QKI: variants seen among roughly 807,000 people sequenced by gnomAD.
QKI encodes QKI, KH domain containing RNA binding.
A neutral mutation model predicts 39.0 loss-of-function variants in QKI; 10 were observed. That is an observed-to-expected ratio of 0.26 (90% confidence interval 0.16 to 0.43). The LOEUF is 0.43. Among genes scored for constraint, QKI ranks in the 20% least tolerant of loss-of-function variants. QKI has a pLI of 1.00. For synonymous variants in QKI, 204 were observed against 155.4 expected (o/e 1.31, Z -2.33); for missense variants, 218 against 428.0 (o/e 0.51, Z 4.33).
At chr6:163,495,824 T>C (rs1232646578) in intron 3 of QKI, among the ~76,000 whole-genome samples, 1 of 152,012 alleles carries the variant, frequency 6.6e-6, no homozygotes, top group Non-Finnish European at 1.5e-5. Context: ...GTTGTGTCCT[T>C]CTCAGCCATC....
intron 1 of QKI, among the ~76,000 whole-genome samples, chr6:163,450,306 C>T (rs1182385095): frequency 1.3e-5 from 2 of 152,164 alleles, no homozygotes; most frequent in East Asian, 3.9e-4. Flanking sequence ...GATCTGCCCA[C>T]CTCGGCCTCC....
intron 4 of QKI, among the ~76,000 whole-genome samples, chr6:163,560,862 C>T (rs1245711905): frequency 6.6e-6 from 1 of 152,134 alleles, no homozygotes; most frequent in African/African-American, 2.4e-5. Context: ...AGTTTGGGTG[C>T]TATGCCAAAA....
At chr6:163,500,727 GAA>G (rs1024550321) in intron 3 of QKI, among the ~76,000 whole-genome samples, 1 of 152,058 alleles carries the variant, frequency 6.6e-6, no homozygotes, top group Admixed American at 6.5e-5. Flanking sequence ...ACAGAATAGA[GAA>G]AAAACCAACA....
chr6:163,564,784 G>A, intron 6 of QKI: 1 of 1,608,316 alleles, frequency 6.2e-7, no homozygotes, highest in Non-Finnish European at 8.5e-7. Flanking sequence ...CTGTTTCTGT[G>A]CAACCCCTTT....
At chr6:163,469,846 G>A (rs1792052856) in intron 2 of QKI, among the ~76,000 whole-genome samples, 1 of 152,040 alleles carries the variant, frequency 6.6e-6, no homozygotes, top group Admixed American at 6.6e-5. Flanking sequence ...TAGATTTTCT[G>A]TTATGTTTCT....
intron 4 of QKI, among the ~76,000 whole-genome samples, chr6:163,550,269 T>A (rs1027628766): frequency 2.6e-5 from 4 of 152,124 alleles, no homozygotes; most frequent in African/African-American, 7.2e-5. Flanking sequence ...AGTGAGCTAG[T>A]GTGTTCGCCC....
At chr6:163,507,404 T>G (rs1042131831) in intron 3 of QKI, among the ~76,000 whole-genome samples, 1 of 152,156 alleles carries the variant, frequency 6.6e-6, no homozygotes, top group Non-Finnish European at 1.5e-5. Flanking sequence ...CTCTGTAGGA[T>G]GAGTGTAAGC....
At chr6:163,448,608 C>T (rs1225606916) in intron 1 of QKI, among the ~76,000 whole-genome samples, 3 of 151,816 alleles carry the variant, frequency 2.0e-5, no homozygotes, top group Admixed American at 6.6e-5. Context: ...TGGTGGCGGG[C>T]ACCTGTAATC....
At chr6:163,526,552 G>A (rs1780529926) in intron 3 of QKI, among the ~76,000 whole-genome samples, 1 of 152,220 alleles carries the variant, frequency 6.6e-6, no homozygotes, top group Middle Eastern at 3.4e-3. Flanking sequence ...AGTTTAAAAG[G>A]ATTTCCCAAC....
intron 1 of QKI, chr6:163,415,908 C>T (rs759388389): frequency 1.2e-4 from 61 of 513,556 alleles, no homozygotes; most frequent in African/African-American, 1.1e-3. Context: ...CAGTGTGGGG[C>T]TCGTTAGTTT....
chr6:163,502,322 CAA>C (rs1778823159), intron 3 of QKI, among the ~76,000 whole-genome samples: 1 of 151,616 alleles, frequency 6.6e-6, no homozygotes, highest in South Asian at 2.1e-4. Context: ...GACCCTGTCT[CAA>C]AACAAAACAA....
chr6:163,447,629 T>A (rs983359820), intron 1 of QKI, among the ~76,000 whole-genome samples: 1 of 152,190 alleles, frequency 6.6e-6, no homozygotes, highest in East Asian at 1.9e-4. Context: ...CTTTAATCAC[T>A]GAGCATTAGT....
At chr6:163,452,985 C>A (rs1302833608) in intron 1 of QKI, among the ~76,000 whole-genome samples, 1 of 152,192 alleles carries the variant, frequency 6.6e-6, no homozygotes, top group African/African-American at 2.4e-5. Context: ...GCCTTGGCCT[C>A]CCAAAGTGCT....
chr6:163,512,054 A>G (rs1779516755), intron 3 of QKI, among the ~76,000 whole-genome samples: 1 of 152,114 alleles, frequency 6.6e-6, no homozygotes, highest in Admixed American at 6.5e-5. Flanking sequence ...CTTGAAACTA[A>G]TCAGTGCAGT....
intron 1 of QKI, among the ~76,000 whole-genome samples, chr6:163,446,088 A>G (rs1790133166): frequency 6.6e-6 from 1 of 152,174 alleles, no homozygotes; most frequent in Non-Finnish European, 1.5e-5. Flanking sequence ...TTGCTAACTA[A>G]TTTAGCATTC....
intron 6 of QKI, chr6:163,565,493 G>T (rs1175809837): frequency 1.0e-6 from 1 of 987,692 alleles, no homozygotes. Flanking sequence ...ATAGCAAGAG[G>T]CACTGCAGTA....
intron 1 of QKI, among the ~76,000 whole-genome samples, chr6:163,431,309 T>G (rs1562425698): frequency 6.6e-6 from 1 of 152,202 alleles, no homozygotes; most frequent in Non-Finnish European, 1.5e-5. Flanking sequence ...GTAATGAATT[T>G]TGTCTAACTC....
intron 3 of QKI, among the ~76,000 whole-genome samples, chr6:163,486,681 C>T (rs1238652694): frequency 2.6e-5 from 4 of 152,100 alleles, no homozygotes; most frequent in African/African-American, 7.2e-5. Context: ...CCTGACATTC[C>T]ATTAGTTTAG....
chr6:163,523,313 A>ATT (rs2128238184), intron 3 of QKI, among the ~76,000 whole-genome samples: 1 of 152,358 alleles, frequency 6.6e-6, no homozygotes, highest in Non-Finnish European at 1.5e-5. Context: ...ACACATGTGG[A>ATT]ATGCACGAGA....
Sources: gnomAD v4.1 joint callset for allele counts (sites outside exome capture counted in the v4.1 genomes callset) on GRCh38, gnomAD v4.1.1 for gene constraint, MANE v1.5 for transcripts, NCBI Gene and HGNC (gene_info 2026-07-23, HGNC 2026-07-21) for gene names.